Variants in BLTP1 observed in about 807,000 individuals in gnomAD.
The protein encoded by BLTP1 is bridge-like lipid transfer protein family member 1.
At chr4:122,276,383 T>G in the BLTP1 span, 1 of 870,394 alleles carries the variant, frequency 1.1e-6, no homozygotes. Context: ...TTTTCACTAA[T>G]TGTAGAAATA....
chr4:122,226,816 G>A, the BLTP1 span: 14 of 1,608,934 alleles, frequency 8.7e-6, no homozygotes, highest in South Asian at 2.2e-5. Flanking sequence ...GGAATTGATC[G>A]TCGGTTCTGT....
the BLTP1 span, among the ~76,000 whole-genome samples, chr4:122,294,499 C>T: frequency 6.6e-6 from 1 of 152,152 alleles, no homozygotes; most frequent in Non-Finnish European, 1.5e-5. Flanking sequence ...CTGGAGGGGA[C>T]CCCCAGCAAA....
At chr4:122,153,159 G>GTTT in the BLTP1 span, 1,211 of 125,638 alleles carry the variant, frequency 9.6e-3, 24 homozygotes, top group East Asian at 0.039. Context: ...AGTTGTTGTC[G>GTTT]TTTTTTTTTT....
chr4:122,327,092 TA>T, the BLTP1 span, among the ~76,000 whole-genome samples: 27 of 129,558 alleles, frequency 2.1e-4, no homozygotes, highest in South Asian at 1.2e-3. Context: ...AATTAGGTCA[TA>T]GGGGGGTGTT....
At chr4:122,265,060 C>T in the BLTP1 span, among the ~76,000 whole-genome samples, 3 of 152,148 alleles carry the variant, frequency 2.0e-5, no homozygotes, top group African/African-American at 4.8e-5. Flanking sequence ...GAGAGTGGGA[C>T]GTGGGTGAGA....
chr4:122,307,838 G>C, the BLTP1 span: 1 of 1,508,342 alleles, frequency 6.6e-7, no homozygotes, highest in Non-Finnish European at 8.8e-7. Flanking sequence ...CAGTTTTCTG[G>C]GTGTAATTTT....
the BLTP1 span, among the ~76,000 whole-genome samples, chr4:122,319,769 T>TA: frequency 6.6e-6 from 1 of 151,954 alleles, no homozygotes; most frequent in African/African-American, 2.4e-5. Flanking sequence ...TTGAATGTCT[T>TA]ACCTCGTGAT....
the BLTP1 span, chr4:122,305,413 C>T: frequency 4.2e-6 from 4 of 953,090 alleles, no homozygotes; most frequent in Non-Finnish European, 5.0e-6. Context: ...AATGAATGTT[C>T]ACAGCTTATT....
chr4:122,304,208 G>C, the BLTP1 span, among the ~76,000 whole-genome samples: 1 of 152,030 alleles, frequency 6.6e-6, no homozygotes, highest in Non-Finnish European at 1.5e-5. Flanking sequence ...GCATTTTTTA[G>C]CAATAAAGTT....
the BLTP1 span, chr4:122,161,007 A>C: frequency 4.6e-6 from 1 of 215,730 alleles, no homozygotes; most frequent in East Asian, 1.8e-4. Context: ...GATTGTGCAG[A>C]GTACATAATT....
At chr4:122,226,954 A>C in the BLTP1 span, 4 of 710,078 alleles carry the variant, frequency 5.6e-6, no homozygotes, top group Non-Finnish European at 8.0e-6. Flanking sequence ...CAGTTTTTTC[A>C]GTTAATAAAA....
At chr4:122,343,416 C>T in the BLTP1 span, 49 of 1,613,460 alleles carry the variant, frequency 3.0e-5, no homozygotes, top group Non-Finnish European at 3.8e-5. Context: ...GTAGGTTCAT[C>T]GGGATTAGGC....
At chr4:122,337,213 G>A in the BLTP1 span, 14 of 559,506 alleles carry the variant, frequency 2.5e-5, no homozygotes, top group Non-Finnish European at 3.7e-5. Flanking sequence ...ATATACAGAT[G>A]CTCAAGTTAT....
the BLTP1 span, chr4:122,198,436 G>A: frequency 6.3e-5 from 62 of 985,192 alleles, no homozygotes; most frequent in African/African-American, 4.5e-4. Context: ...AGAGTTTTAC[G>A]CAATTGATAA....
the BLTP1 span, chr4:122,276,371 A>T: frequency 1.2e-6 from 1 of 812,342 alleles, no homozygotes; most frequent in Non-Finnish European, 1.5e-6. Context: ...TGCAAGAAAG[A>T]GTTTTCACTA....
chr4:122,358,053 G>A, the BLTP1 span, among the ~76,000 whole-genome samples: 1 of 152,086 alleles, frequency 6.6e-6, no homozygotes, highest in South Asian at 2.1e-4. Flanking sequence ...GACAGAAACT[G>A]TATAATAGGC....
chr4:122,261,223 A>G, the BLTP1 span: 1 of 834,290 alleles, frequency 1.2e-6, no homozygotes, highest in Non-Finnish European at 1.4e-6. Flanking sequence ...TTGTTTCCAC[A>G]GTATAGTTAG....
chr4:122,308,274 T>C, the BLTP1 span: 2 of 1,126,226 alleles, frequency 1.8e-6, no homozygotes, highest in Non-Finnish European at 1.3e-6. Context: ...TATAACTGTT[T>C]AGTAGGTAGC....
the BLTP1 span, chr4:122,246,208 G>A: frequency 3.1e-6 from 5 of 1,606,886 alleles, no homozygotes; most frequent in East Asian, 9.0e-5. Context: ...CAATAGGAAC[G>A]ACTAACCAAG....
Sources: gnomAD v4.1 joint callset for allele counts (sites outside exome capture counted in the v4.1 genomes callset) on GRCh38, gnomAD v4.1.1 for gene constraint, MANE v1.5 for transcripts, NCBI Gene and HGNC (gene_info 2026-07-23, HGNC 2026-07-21) for gene names.